Variants in ITIH5 observed in about 807,000 individuals in gnomAD.
ITIH5 encodes the protein inter-alpha-trypsin inhibitor heavy chain H5.
Under a neutral mutation model 77.5 loss-of-function variants are expected in ITIH5, and 65 were observed. The ratio of observed to expected loss-of-function variants is 0.84; its 90% CI spans 0.69 to 1.03. The LOEUF is 1.03. Ranked by LOEUF, ITIH5 falls within the 50% of genes least tolerant of loss-of-function variation. ITIH5 has a pLI of 0.00. For missense variants in ITIH5, 1,208 were observed against 1,213.1 expected (o/e 1.00, Z 0.06); for synonymous variants, 525 against 494.3 (o/e 1.06, Z -0.82).
intron 9 of ITIH5, among the ~76,000 whole-genome samples, chr10:7,577,678 T>C (rs1213831237): frequency 6.6e-6 from 1 of 152,270 alleles, no homozygotes; most frequent in African/African-American, 2.4e-5. Flanking sequence ...TCTTGCTAAG[T>C]AAGGAGACAA....
At chr10:7,645,971 G>A (rs1834004062) in intron 2 of ITIH5, among the ~76,000 whole-genome samples, 1 of 152,210 alleles carries the variant, frequency 6.6e-6, no homozygotes, top group South Asian at 2.1e-4. Context: ...ACCCCAAGGT[G>A]AATAAGACCA....
intron 8 of ITIH5, among the ~76,000 whole-genome samples, chr10:7,584,147 G>A (rs940478331): frequency 2.6e-5 from 4 of 152,108 alleles, no homozygotes; most frequent in Non-Finnish European, 4.4e-5. Flanking sequence ...TCACAATCCT[G>A]ATGCTACACG....
intron 7 of ITIH5, among the ~76,000 whole-genome samples, chr10:7,594,167 G>C (rs1445631501): frequency 6.6e-6 from 1 of 152,224 alleles, no homozygotes; most frequent in Non-Finnish European, 1.5e-5. Context: ...AGCCTGTCCA[G>C]AGGAAAAGGG....
At chr10:7,575,866 T>C (rs1030530142) in intron 10 of ITIH5, among the ~76,000 whole-genome samples, 4 of 152,220 alleles carry the variant, frequency 2.6e-5, no homozygotes, top group Non-Finnish European at 5.9e-5. Context: ...CTCAGTTTAT[T>C]GATGCTTTAT....
intron 2 of ITIH5, among the ~76,000 whole-genome samples, chr10:7,652,291 G>C (rs7919666): frequency 0.12 from 18,456 of 152,082 alleles, 1,276 homozygotes; most frequent in East Asian, 0.29. Context: ...ATTCAAGCAC[G>C]GAACATTCAG....
chr10:7,647,682 C>T (rs1188951823), intron 2 of ITIH5, among the ~76,000 whole-genome samples: 7 of 152,154 alleles, frequency 4.6e-5, no homozygotes. Context: ...TTATTTCCAA[C>T]TCTATGTCAT....
At chr10:7,640,378 G>A (rs2131078234) in intron 4 of ITIH5, among the ~76,000 whole-genome samples, 1 of 151,706 alleles carries the variant, frequency 6.6e-6, no homozygotes, top group South Asian at 2.1e-4. Context: ...TTGGGAGGCT[G>A]AGGTGGAAGG....
At chr10:7,662,973 G>A (rs1184255296) in intron 1 of ITIH5, among the ~76,000 whole-genome samples, 2 of 152,148 alleles carry the variant, frequency 1.3e-5, no homozygotes, top group East Asian at 1.9e-4. Context: ...TAAAAATCTG[G>A]AAATGTCCAA....
chr10:7,647,769 G>GGAA (rs1301287135), intron 2 of ITIH5, among the ~76,000 whole-genome samples: 2 of 152,056 alleles, frequency 1.3e-5, no homozygotes, highest in East Asian at 3.9e-4. Flanking sequence ...AAATTTTTTT[G>GGAA]GAAGAAGTTA....
chr10:7,637,801 T>C (rs980173281), intron 4 of ITIH5, among the ~76,000 whole-genome samples: 1 of 152,136 alleles, frequency 6.6e-6, no homozygotes, highest in Non-Finnish European at 1.5e-5. Context: ...GAGAGAGCTT[T>C]GGAGTGAAGC....
intron 7 of ITIH5, among the ~76,000 whole-genome samples, chr10:7,589,229 G>A (rs188699726): frequency 5.8e-4 from 88 of 152,240 alleles, no homozygotes; most frequent in African/African-American, 2.0e-3. Context: ...AGGCTGAGGC[G>A]GGCAAATCAT....
At position 7,617,149 on chromosome 10, in the gene ITIH5, A is replaced by T; in HGVS notation, c.786T>A (p.Tyr262Ter). 6.2e-7 allele frequency: 1 copy of T among 1,601,772 alleles called. No individual in the cohort carries two copies. The highest frequency in any genetic ancestry group is 1.3e-5 in the African/African-American group (1 of 74,278). The stretch of plus-strand genomic sequence containing the variant: ...CAATGCTCTGTTCTCTATTGACGTC[A>T]TATCTAATGATAAAGTCTCCCAAAA... ...NGILGDFIIR[Y>*]DVNREQSIGD... The change falls in exon 6 of 14, where the codon TAT (tyrosine) becomes TAA (stop). Residue 262 changes from tyrosine to a stop codon, truncating the protein, a stop_gained. Coordinates refer to ENST00000397146, the MANE Select transcript of ITIH5 (RefSeq NM_030569.7). LOFTEE classifies it high-confidence loss of function.
intron 8 of ITIH5, among the ~76,000 whole-genome samples, chr10:7,581,093 C>G (rs972643787): frequency 2.0e-5 from 3 of 152,014 alleles, no homozygotes; most frequent in African/African-American, 7.3e-5. Flanking sequence ...AACCCTGTCT[C>G]TACCAAAAAT....
intron 7 of ITIH5, among the ~76,000 whole-genome samples, chr10:7,608,430 C>T (rs191562042): frequency 1.3e-5 from 2 of 152,268 alleles, no homozygotes; most frequent in Admixed American, 6.5e-5. Context: ...CAGATGTGGG[C>T]CATCATGCCT....
chr10:7,594,306 A>G (rs1259906049), intron 7 of ITIH5, among the ~76,000 whole-genome samples: 2 of 152,064 alleles, frequency 1.3e-5, no homozygotes, highest in African/African-American at 2.4e-5. Context: ...GTCACCACTT[A>G]CCCTCAATGC....
In ITIH5 at chr10:7,642,110, C is replaced by G. The variant is rs1447686762; in HGVS notation, c.136-20G>C. 6.2e-7 allele frequency: 1 copy of G among 1,608,162 alleles called. No individual in the cohort carries two copies. Among genetic ancestry groups the G allele is most frequent in the East Asian group, 2.2e-5 (1 of 44,798 alleles). On this transcript the variant is annotated intron_variant, in intron 2 of 13. Coordinates refer to ENST00000397146, the MANE Select transcript of ITIH5 (RefSeq NM_030569.7). ...GGTTTTCTGTAGGAATGAAAACACACAGTATCATCGGTGATGCATGAAAGC... is the reference window on the plus strand; with the variant it reads ...GGTTTTCTGTAGGAATGAAAACACAGAGTATCATCGGTGATGCATGAAAGC...
chr10:7,645,919 T>C (rs1289805628), intron 2 of ITIH5, among the ~76,000 whole-genome samples: 3 of 152,236 alleles, frequency 2.0e-5, no homozygotes, highest in Non-Finnish European at 2.9e-5. Flanking sequence ...TGGGGTTTTT[T>C]TTAAAGTTAA....
intron 5 of ITIH5, chr10:7,620,254 C>G (rs558110615): frequency 6.6e-6 from 1 of 152,088 alleles, no homozygotes; most frequent in Non-Finnish European, 1.5e-5. Context: ...ACTTGGGATA[C>G]CACAAGGCAA....
chr10:7,581,278 AAAAT>A (rs1342595893), intron 8 of ITIH5, among the ~76,000 whole-genome samples: 2 of 152,120 alleles, frequency 1.3e-5, no homozygotes, highest in Admixed American at 6.5e-5. Context: ...AAATAAAAAT[AAAAT>A]AAATAAATGA....
Sources: allele counts gnomAD v4.1 joint callset (sites outside exome capture counted in the v4.1 genomes callset), GRCh38; gene constraint gnomAD v4.1.1; transcripts MANE v1.5; gene names NCBI Gene and HGNC (gene_info 2026-07-23, HGNC 2026-07-21).